ACSM1: variants seen among roughly 807,000 people sequenced by gnomAD.
ACSM1 encodes the protein acyl-coenzyme A synthetase ACSM1, mitochondrial.
Under a neutral mutation model 75.8 loss-of-function variants are expected in ACSM1, and 79 were observed. The ratio of observed to expected loss-of-function variants is 1.04; its 90% CI spans 0.87 to 1.26. ACSM1 has a LOEUF of 1.26. ACSM1 is among the 50% of genes most tolerant of loss of function. The probability of loss-of-function intolerance (pLI) is 0.00; values close to 1 mark genes in which losing one functional copy is unlikely to be tolerated. For missense variants in ACSM1, 676 were observed against 720.1 expected (o/e 0.94, Z 0.70); for synonymous variants, 279 against 265.8 (o/e 1.05, Z -0.48).
In ACSM1 at chr16:20,648,921, T is replaced by C. The variant is rs962736300; in HGVS notation, c.993-8337A>G. ...CTGCTGAGGCTGTGTCACAGGCATG[T>C]CTTTAACCTTGGCAAAATAACCTCT... On this transcript the variant is annotated intron_variant, in intron 7 of 13. Transcript: ENST00000520010. The surrounding 1 kb of genome is among the most constrained non-coding windows in gnomAD (Gnocchi z 4.2). 7.9e-5 allele frequency among the ~76,000 whole-genome samples: 12 copies of C among 152,212 alleles called. No homozygotes were observed. Among genetic ancestry groups the C allele is most frequent in the African/African-American group, 2.9e-4 (12 of 41,454 alleles).
rs114475041 is a variant in ACSM1 at position 20,648,281 on chromosome 16, T to A, written c.993-7697A>T. 3.9e-3 allele frequency among the ~76,000 whole-genome samples: 595 copies of A among 152,336 alleles called. 2 individuals carry two copies. The highest frequency in any genetic ancestry group is 0.013 in the African/African-American group (546 of 41,578). The stretch of plus-strand genomic sequence containing the variant: ...ACCTAACAAGGCCAGCTTTGCTAGC[T>A]AATATTCTTCTTTTCTCTCTCTCTT... On this transcript the variant is annotated intron_variant, in intron 7 of 13. Coordinates refer to ENST00000520010, the MANE Select transcript of ACSM1 (RefSeq NM_001318890.3). This position sits in a 1 kb window ranked among gnomAD's most constrained non-coding sequence, Gnocchi z 4.2.
intron 1 of ACSM1, among the ~76,000 whole-genome samples, chr16:20,692,489 A>C (rs2152340575): frequency 6.6e-6 from 1 of 152,214 alleles, no homozygotes; most frequent in South Asian, 2.1e-4. Flanking sequence ...CTTTGTGGAG[A>C]CCAAGTTTTA....
chr16:20,636,329 CAGA>C (rs1454732060), intron 10 of ACSM1, among the ~76,000 whole-genome samples: 1 of 152,070 alleles, frequency 6.6e-6, no homozygotes, highest in Non-Finnish European at 1.5e-5. Flanking sequence ...ATTTGATGTG[CAGA>C]AGATGTGCAG....
rs1477930458 is a variant in ACSM1 at position 20,624,170 on chromosome 16, C to T, written c.1573G>A (p.Asp525Asn). The change falls in exon 13 of 14, where the codon GAC becomes AAC. Residue 525 changes from aspartate to asparagine, a missense_variant. By Grantham distance (23) the Asp-to-Asn change is conservative (BLOSUM62 1). Coordinates refer to ENST00000520010, the MANE Select transcript of ACSM1 (RefSeq NM_001318890.3). ...IVLTPQFLSH[D>N]KDQLTKELQQ... ...AGTTCCTTGGTCAGCTGATCCTTGT[C>T]ATGGGACAGGAACTGTGGGGTCAGG... The T allele has an allele frequency of 6.2e-7, 1 of 1,613,130 alleles. No homozygotes were observed. Among genetic ancestry groups the T allele is most frequent in the Non-Finnish European group, 8.5e-7 (1 of 1,179,400 alleles).
At chr16:20,638,718 G>C (rs2017882149) in intron 8 of ACSM1, among the ~76,000 whole-genome samples, 1 of 152,200 alleles carries the variant, frequency 6.6e-6, no homozygotes, top group Admixed American at 6.5e-5. Flanking sequence ...GCAGAGCTGA[G>C]ACTTGGACCC....
intron 6 of ACSM1, among the ~76,000 whole-genome samples, chr16:20,662,983 G>A (rs1186284359): frequency 6.6e-6 from 1 of 152,140 alleles, no homozygotes; most frequent in Non-Finnish European, 1.5e-5. Flanking sequence ...TGGTAGAAGA[G>A]CTGAGGCAGG....
chr16:20,672,448 CA>C (rs528742963), intron 4 of ACSM1, among the ~76,000 whole-genome samples: 246 of 21,860 alleles, frequency 0.011, 1 homozygote, highest in South Asian at 0.034. Context: ...AACTCCATCT[CA>C]AAAAAAAAAA....
chr16:20,625,388 A>G, intron 12 of ACSM1, 35 bp downstream of exon 12: 1 of 1,598,018 alleles, frequency 6.3e-7, no homozygotes, highest in Non-Finnish European at 8.6e-7. Context: ...CCTAGTGCCC[A>G]CGCACAGACA....
chr16:20,684,433 G>A (rs944225583), intron 3 of ACSM1, among the ~76,000 whole-genome samples: 6 of 152,360 alleles, frequency 3.9e-5, no homozygotes, highest in East Asian at 3.9e-4. Flanking sequence ...TATAACTGAA[G>A]AGGGAACAAA....
intron 4 of ACSM1, among the ~76,000 whole-genome samples, chr16:20,676,510 T>G (rs1004659492): frequency 6.6e-6 from 1 of 152,182 alleles, no homozygotes; most frequent in African/African-American, 2.4e-5. Flanking sequence ...CAAGGAGATA[T>G]CAGGCACAAA....
At chr16:20,668,773 T>C (rs964656822) in intron 6 of ACSM1, among the ~76,000 whole-genome samples, 1 of 151,942 alleles carries the variant, frequency 6.6e-6, no homozygotes, top group Non-Finnish European at 1.5e-5. Context: ...CTGCAGCAAA[T>C]GGAGGATGTT....
At chr16:20,640,334 G>T in intron 8 of ACSM1, 127 bp downstream of exon 8, 1 of 1,076,060 alleles carries the variant, frequency 9.3e-7, no homozygotes, top group Non-Finnish European at 1.3e-6. Context: ...AAATATTGAA[G>T]CCCTCAAAAT....
At chr16:20,691,626 T>C (rs2079652929) in intron 1 of ACSM1, among the ~76,000 whole-genome samples, 1 of 152,160 alleles carries the variant, frequency 6.6e-6, no homozygotes, top group Non-Finnish European at 1.5e-5. Context: ...AATCATGTTG[T>C]TGCCATGGAA....
intron 4 of ACSM1, among the ~76,000 whole-genome samples, chr16:20,678,231 T>A (rs2079353123): frequency 6.6e-6 from 1 of 151,564 alleles, no homozygotes; most frequent in Admixed American, 6.6e-5. Context: ...AGGCTAGCCA[T>A]CCCTGAAACG....
chr16:20,666,150 A>G (rs1320357092), intron 6 of ACSM1, among the ~76,000 whole-genome samples: 1 of 152,194 alleles, frequency 6.6e-6, no homozygotes, highest in Non-Finnish European at 1.5e-5. Flanking sequence ...AGCAAGAGAA[A>G]GAAATAAAAG....
intron 6 of ACSM1, among the ~76,000 whole-genome samples, chr16:20,668,078 G>A (rs1247660075): frequency 6.6e-6 from 1 of 152,092 alleles, no homozygotes; most frequent in Non-Finnish European, 1.5e-5. Flanking sequence ...CACTAGCTGG[G>A]TCATGAGAAT....
At chr16:20,626,081 A>T (rs1280294218) in intron 11 of ACSM1, among the ~76,000 whole-genome samples, 3 of 152,156 alleles carry the variant, frequency 2.0e-5, no homozygotes, top group Non-Finnish European at 4.4e-5. Context: ...ATGTTTTAGA[A>T]ATTTAAAATA....
In ACSM1 at chr16:20,696,088, A is replaced by G. The variant is rs138361718; in HGVS notation, c.-52+1548T>C. Among the ~76,000 whole-genome samples, 617 of 152,348 alleles carry G rather than the reference A, an allele frequency of 4.0e-3. 3 individuals are homozygous for G. Among genetic ancestry groups the G allele is most frequent in the Middle Eastern group, 0.017 (5 of 294 alleles). The stretch of plus-strand genomic sequence containing the variant: ...ACAGTATTTAATACAGCAACAAGCT[A>G]CATAGGTTTGTAGCCTAGAAGCAAT... On this transcript the variant is annotated intron_variant, in intron 1 of 13. Transcript: ENST00000520010.
chr16:20,655,272 G>A (rs918993364), intron 7 of ACSM1, among the ~76,000 whole-genome samples: 2 of 143,250 alleles, frequency 1.4e-5, no homozygotes, highest in South Asian at 5.2e-4. Context: ...GGGGGAGGGA[G>A]CACATTAGGA....
Sources: allele counts gnomAD v4.1 joint callset (sites outside exome capture counted in the v4.1 genomes callset), GRCh38; gene constraint gnomAD v4.1.1; non-coding constraint Gnocchi (gnomAD v3.1); transcripts MANE v1.5; gene names NCBI Gene and HGNC (gene_info 2026-07-23, HGNC 2026-07-21).